SNRNP25: variants seen among roughly 807,000 people sequenced by gnomAD.
SNRNP25 encodes small nuclear ribonucleoprotein U11/U12 subunit 25.
SNRNP25 carries 21 observed loss-of-function variants against 23.9 expected under a neutral mutation model. That is an observed-to-expected ratio of 0.88 (90% CI 0.62 to 1.27). SNRNP25 has a LOEUF of 1.27. SNRNP25 is among the 50% of genes most tolerant of loss of function. The pLI is 0.00. For synonymous variants in SNRNP25, 63 were observed against 60.4 expected, an observed-to-expected ratio of 1.04 and a Z score of -0.20; for missense variants, 160 against 156.9, an observed-to-expected ratio of 1.02 and a Z score of -0.11.
In SNRNP25 at chr16:55,500, C is replaced by A; in HGVS notation, c.84C>A (p.Tyr28Ter). The A allele has an allele frequency of 1.2e-6, 2 of 1,614,142 alleles. No homozygotes were observed. The highest frequency in any genetic ancestry group is 2.2e-5 in the South Asian group (2 of 91,084). The change falls in exon 2 of 5, where the codon TAC becomes TAA. Residue 28 changes from tyrosine to a stop codon, truncating the protein, a stop_gained. Transcript: ENST00000293861. LOFTEE classifies it high-confidence loss of function. ...EEVNSQIALE[Y>*]GQAMTVRVCK... ...TCAACTCCCAAATAGCCCTAGAATA[C>A]GGCCAGGCAATGACGGTCCGAGTGT...
At position 53,921 on chromosome 16, in the gene SNRNP25, G is replaced by C; in HGVS notation, c.-96G>C. On this transcript the variant is annotated 5_prime_UTR_variant, in exon 1 of 5. Transcript: ENST00000293861. ...AGGGGCGGCCCTGGAGGAGACGGAG[G>C]CCGCGGGTGGGCCCGAGGCGCAAGA... 8 of 1,547,584 alleles carry C rather than the reference G, an allele frequency of 5.2e-6. No individual in the cohort carries two copies. The highest frequency in any genetic ancestry group is 7.0e-6 in the Non-Finnish European group (8 of 1,143,632).
At chr16:55,247 A>G (rs1254612266) in intron 1 of SNRNP25, 2 of 507,880 alleles carry the variant, frequency 3.9e-6, no homozygotes, top group African/African-American at 1.9e-5. Context: ...TCTTTCCCCC[A>G]GAGACTCTGT....
rs1897402343 is a variant in SNRNP25, at chr16:56,071, G to A, written c.239+189G>A. 7 of 639,658 alleles carry A rather than the reference G, an allele frequency of 1.1e-5. No homozygotes were observed. The South Asian group carries it at 1.3e-4, about 12-fold the overall frequency. 39.6% of individuals were successfully genotyped at this position (639,658 alleles called of 1,614,324 possible). Reference sequence around the variant, plus strand: ...GACAGTGCGGGTCGTTCTGTGCCTGGGACTCCTGCCTCGGCCATCCCCAAC... The same window carrying A: ...GACAGTGCGGGTCGTTCTGTGCCTGAGACTCCTGCCTCGGCCATCCCCAAC... On this transcript the variant is annotated intron_variant, in intron 3 of 4. Transcript: ENST00000293861.
chr16:54,668 CAT>C (rs1249241724), intron 1 of SNRNP25, among the ~76,000 whole-genome samples: 1 of 152,160 alleles, frequency 6.6e-6, no homozygotes. Context: ...AAGCGTCAAT[CAT>C]GTGTCAAAGC....
chr16:55,581 T>C (rs1400743262), intron 2 of SNRNP25, 32 bp downstream of exon 2: 1 of 1,610,758 alleles, frequency 6.2e-7, no homozygotes, highest in Non-Finnish European at 8.5e-7. Flanking sequence ...TCAGGTTATG[T>C]GGTCCAGGCT....
chr16:56,645 C>T (rs954725204), intron 4 of SNRNP25, 32 bp downstream of exon 4: 5 of 1,609,856 alleles, frequency 3.1e-6, no homozygotes, highest in Non-Finnish European at 2.5e-6. Context: ...AGCCGTAGGG[C>T]ACCGCTGTTC....
At chr16:55,967 C>T in intron 3 of SNRNP25, 85 bp downstream of exon 3, 1 of 1,180,434 alleles carries the variant, frequency 8.5e-7, no homozygotes, top group South Asian at 1.4e-5. Context: ...CACCTGGAAA[C>T]AGCTCTCAGC....
At position 55,471 on chromosome 16, in the gene SNRNP25, G is replaced by T; in HGVS notation, c.55G>T (p.Glu19Ter). 1 of 1,614,174 alleles carries T rather than the reference G, an allele frequency of 6.2e-7. No individual in the cohort carries two copies. Among genetic ancestry groups the T allele is most frequent in the East Asian group, 2.2e-5 (1 of 44,888 alleles). The change falls in exon 2 of 5, where the codon GAA (glutamate) becomes TAA (stop). Residue 19 changes from glutamate to a stop codon, truncating the protein, a stop_gained. Transcript: ENST00000293861. LOFTEE classifies it high-confidence loss of function. ...CDLPIQVTLE[E>*]VNSQIALEYG... ...TGGTCTTTTGTAGGTTACTCTGGAA[G>T]AAGTCAACTCCCAAATAGCCCTAGA...
chr16:56,768 C>A (rs1897416737), intron 4 of SNRNP25, among the ~76,000 whole-genome samples, 155 bp downstream of exon 4: 1 of 152,208 alleles, frequency 6.6e-6, no homozygotes, highest in African/African-American at 2.4e-5. Context: ...GAATGGCAGG[C>A]AGAGGGCAGC....
chr16:55,353 C>A (rs941545777), intron 1 of SNRNP25, 106 bp from the exon 2 acceptor site: 1 of 956,704 alleles, frequency 1.0e-6, no homozygotes, highest in Non-Finnish European at 1.7e-6. Context: ...CCTTGCCCTT[C>A]GTAAAATGGA....
intron 3 of SNRNP25, 28 bp from the exon 4 acceptor site, chr16:56,511 G>C (rs369807955): frequency 6.2e-7 from 1 of 1,612,794 alleles, no homozygotes; most frequent in Non-Finnish European, 8.5e-7. Context: ...CTCAGGGCAC[G>C]TGGTTTACCT....
At chr16:56,241 T>C in intron 3 of SNRNP25, 1 of 688,358 alleles carries the variant, frequency 1.5e-6, no homozygotes, top group Non-Finnish European at 2.7e-6. Flanking sequence ...CCTTCTCACC[T>C]GGGTGCTGTC....
At chr16:54,583 AAG>A (rs1465514165) in intron 1 of SNRNP25, among the ~76,000 whole-genome samples, 1 of 152,066 alleles carries the variant, frequency 6.6e-6, no homozygotes, top group Non-Finnish European at 1.5e-5. Flanking sequence ...GAGGCAAAAA[AAG>A]AGCCTACGGT....
rs1897416341 is a variant in SNRNP25, at chr16:56,739, G to A, written c.314+126G>A. 1.7e-5 allele frequency: 17 copies of A among 1,020,888 alleles called. No homozygotes were observed. In the South Asian group the frequency reaches 2.5e-4, roughly 15 times the overall value. The allele number at this position is 1,020,888 out of a possible 1,614,324, so 63.2% of individuals were successfully genotyped here. ...ACACCCTCCTCCAAGGAGCTTCCTT[G>A]GGGCCCTCCCCACTAGGAGAATGGC... On this transcript the variant is annotated intron_variant, in intron 4 of 4. Coordinates refer to ENST00000293861, the MANE Select transcript of SNRNP25 (RefSeq NM_024571.4).
Position 55,826 on chromosome 16 carries a change from C to A in SNRNP25, c.183C>A (p.Ile61=), listed in dbSNP as rs1426812884. The change falls in exon 3 of 5, where the codon ATC becomes ATA. Residue 61 remains isoleucine, a synonymous_variant. Transcript: ENST00000293861. The part of the protein sequence containing the change: ...SATVLDLKKA[I]QRYVQLKQER... Reference sequence around the variant, plus strand: ...CAGTCCTGGACCTGAAGAAGGCCATCCAGAGATACGTGCAGCTCAAGCAGG... The same window carrying A: ...CAGTCCTGGACCTGAAGAAGGCCATACAGAGATACGTGCAGCTCAAGCAGG... 2 of 1,614,046 alleles carry A rather than the reference C, an allele frequency of 1.2e-6. No homozygotes were observed. The highest frequency in any genetic ancestry group is 2.7e-5 in the African/African-American group (2 of 74,922).
chr16:55,160 G>A (rs1331612935), intron 1 of SNRNP25: 13 of 368,422 alleles, frequency 3.5e-5, no homozygotes, highest in South Asian at 7.3e-5. Flanking sequence ...TATACTCAGC[G>A]TGAACTGACA....
intron 1 of SNRNP25, 139 bp from the exon 2 acceptor site, chr16:55,320 A>G (rs216596): frequency 0.81 from 564,768 of 700,720 alleles, 229,741 homozygotes; most frequent in African/African-American, 0.93. Flanking sequence ...TTGGGAAACC[A>G]TAACGTACAG....
At chr16:54,564 G>C (rs1398766757) in intron 1 of SNRNP25, among the ~76,000 whole-genome samples, 1 of 151,286 alleles carries the variant, frequency 6.6e-6, no homozygotes, top group Non-Finnish European at 1.5e-5. Context: ...ACCTTTAAAA[G>C]TCAAAGTTGA....
In SNRNP25 at chr16:55,382, T is replaced by C. The variant is rs534870380; in HGVS notation, c.43-77T>C. 2.2e-6 allele frequency: 3 copies of C among 1,371,964 alleles called. No homozygotes were observed. In the African/African-American group the frequency reaches 4.3e-5, roughly 20 times the overall value. The allele number at this position is 1,371,964 out of a possible 1,614,324, so 85.0% of individuals were successfully genotyped here. The stretch of plus-strand genomic sequence containing the variant: ...AAATGGAGCACCACTTTTTGGCCAC[T>C]ATCGGCTTGTTCTTTGTTGTTGCTC... On this transcript the variant is annotated intron_variant, in intron 1 of 4. Coordinates refer to ENST00000293861, the MANE Select transcript of SNRNP25 (RefSeq NM_024571.4).
Sources: gnomAD v4.1 joint callset for allele counts (sites outside exome capture counted in the v4.1 genomes callset) on GRCh38, gnomAD v4.1.1 for gene constraint, MANE v1.5 for transcripts, NCBI Gene and HGNC (gene_info 2026-07-23, HGNC 2026-07-21) for gene names.